The following SLC9A6 variants were observed in gnomAD, a reference collection of about 807,000 sequenced individuals.
The protein encoded by SLC9A6 is sodium/hydrogen exchanger 6.
SLC9A6 carries 6 observed loss-of-function variants against 45.3 expected under a neutral mutation model. The ratio of observed to expected loss-of-function variants is 0.13; its 90% CI spans 0.07 to 0.26. SLC9A6 has a LOEUF of 0.26. Ranked by LOEUF, SLC9A6 falls within the 10% of genes least tolerant of loss-of-function variation. SLC9A6 has a pLI of 1.00. For synonymous variants in SLC9A6, 191 were observed against 187.7 expected, an observed-to-expected ratio of 1.02 and a Z score of -0.14; for missense variants, 278 against 503.7, an observed-to-expected ratio of 0.55 and a Z score of 4.29.
intron 7 of SLC9A6, among the ~76,000 whole-genome samples, chrX:136,004,080 CTTTTTTTTTTTTT>C (rs782804669): frequency 1.0e-3 from 69 of 66,252 alleles, no homozygotes; most frequent in Non-Finnish European, 1.8e-3. Flanking sequence ...CCTCCCTAAT[CTTTTTTTTTTTTT>C]TTTTTTTTTT....
chrX:136,026,493 T>C (rs1481734533), intron 13 of SLC9A6, among the ~76,000 whole-genome samples: 1 of 111,851 alleles, frequency 8.9e-6, no homozygotes, highest in Non-Finnish European at 1.9e-5. Context: ...AAACATTTAC[T>C]GAACACCAGC....
chrX:136,024,318 G>C lies in SLC9A6; in HGVS notation c.1307-12G>C, dbSNP rs372153079. ...GAGTTATTGAAGAAATACCTTTTCT[G>C]TTCCCCTGTAGGCCTTCGTGGTGCA... is the stretch of plus-strand genomic sequence containing the variant. On this transcript the variant is annotated splice_polypyrimidine_tract_variant and intron_variant, in intron 12 of 17. Coordinates refer to ENST00000630721, the MANE Select transcript of SLC9A6 (RefSeq NM_001379110.1). The C allele has an allele frequency of 9.5e-5, 115 of 1,208,951 alleles. No homozygotes were observed. In the South Asian group the frequency reaches 1.2e-3, roughly 12 times the overall value.
chrX:136,044,418 A>G (rs1556623171), intron 17 of SLC9A6, 34 bp from the exon 18 acceptor site: 2 of 1,174,503 alleles, frequency 1.7e-6, no homozygotes, highest in African/African-American at 3.5e-5. Flanking sequence ...TGAACTTCTC[A>G]AAAATTCTTA....
chrX:135,976,864 CTT>C (rs1464159310), intron 1 of SLC9A6, among the ~76,000 whole-genome samples: 2 of 111,867 alleles, frequency 1.8e-5, no homozygotes, highest in Non-Finnish European at 3.8e-5. Context: ...ATTTCTCACT[CTT>C]TTTTTACCTC....
chrX:136,038,957 T>C (rs984398127), intron 16 of SLC9A6, among the ~76,000 whole-genome samples: 4 of 110,881 alleles, frequency 3.6e-5, no homozygotes, highest in African/African-American at 1.3e-4. Context: ...TTATAAAGCG[T>C]GTTTATATGC....
intron 7 of SLC9A6, among the ~76,000 whole-genome samples, chrX:136,007,521 T>G (rs1333359243): frequency 1.8e-5 from 2 of 112,028 alleles, no homozygotes; most frequent in Non-Finnish European, 3.8e-5. Flanking sequence ...AATATGTTTG[T>G]GGCAAAAATT....
chrX:136,020,781 G>A (rs1340049602), intron 11 of SLC9A6, among the ~76,000 whole-genome samples: 2 of 111,493 alleles, frequency 1.8e-5, no homozygotes, highest in African/African-American at 6.5e-5. Context: ...GCCATTGAGA[G>A]CTCTTTTGGC....
chrX:136,018,003 C>T (rs2071053346), intron 11 of SLC9A6, among the ~76,000 whole-genome samples: 1 of 111,586 alleles, frequency 9.0e-6, no homozygotes, highest in Admixed American at 9.5e-5. Flanking sequence ...GGCTTCTTCC[C>T]CCAAACTGAG....
At chrX:136,033,004 C>T (rs1272311787) in intron 15 of SLC9A6, 1 of 134,923 alleles carries the variant, frequency 7.4e-6, no homozygotes, top group African/African-American at 3.2e-5. Context: ...GCTGGGATTA[C>T]AGGCAGGCCC....
intron 1 of SLC9A6, chrX:135,974,899 A>G (rs185150637): frequency 3.9e-6 from 1 of 259,558 alleles, no homozygotes; most frequent in African/African-American, 2.9e-5. Flanking sequence ...AATGCTAATA[A>G]CGCAGCCTTC....
chrX:136,037,248 A>G (rs2071426765), intron 16 of SLC9A6, among the ~76,000 whole-genome samples: 1 of 111,757 alleles, frequency 8.9e-6, no homozygotes, highest in Non-Finnish European at 1.9e-5. Flanking sequence ...ACACATGTGC[A>G]TGTGCACACA....
At chrX:136,036,415 T>G (rs1483585747) in intron 16 of SLC9A6, among the ~76,000 whole-genome samples, 1 of 112,391 alleles carries the variant, frequency 8.9e-6, no homozygotes, top group Non-Finnish European at 1.9e-5. Context: ...GGGTTTTTTG[T>G]TGTTGATTAT....
chrX:136,013,899 T>G (rs1482264561), intron 10 of SLC9A6, among the ~76,000 whole-genome samples: 2 of 112,402 alleles, frequency 1.8e-5, no homozygotes, highest in African/African-American at 6.5e-5. Flanking sequence ...GCTTCTGATC[T>G]GATTAGACCT....
intron 17 of SLC9A6, among the ~76,000 whole-genome samples, chrX:136,041,565 T>A (rs2071511752): frequency 9.0e-6 from 1 of 111,468 alleles, no homozygotes; most frequent in South Asian, 3.8e-4. Context: ...CACCATGCCC[T>A]GTTAACCCAC....
At chrX:135,986,332 C>T (rs1398465828) in intron 2 of SLC9A6, among the ~76,000 whole-genome samples, 1 of 110,773 alleles carries the variant, frequency 9.0e-6, no homozygotes, top group African/African-American at 3.3e-5. Flanking sequence ...ACGCCCTGTC[C>T]TTTCGAGGTT....
At chrX:136,044,129 G>C (rs1219092113) in intron 17 of SLC9A6, among the ~76,000 whole-genome samples, 7 of 111,785 alleles carry the variant, frequency 6.3e-5, no homozygotes, top group Admixed American at 5.7e-4. Flanking sequence ...ATAAAAGGAT[G>C]TTAGTCATTT....
intron 2 of SLC9A6, among the ~76,000 whole-genome samples, chrX:135,991,835 T>A (rs2148139387): frequency 9.0e-6 from 1 of 110,873 alleles, no homozygotes; most frequent in African/African-American, 3.3e-5. Context: ...TGGGTTTTCC[T>A]TCTCAGACTC....
chrX:136,038,790 T>C (rs1377104229), intron 16 of SLC9A6, among the ~76,000 whole-genome samples: 1 of 109,315 alleles, frequency 9.1e-6, no homozygotes, highest in Non-Finnish European at 1.9e-5. Context: ...AGTTTTTTTT[T>C]CTAAGGAATT....
intron 10 of SLC9A6, among the ~76,000 whole-genome samples, chrX:136,016,110 G>A (rs2071014523): frequency 9.0e-6 from 1 of 111,352 alleles, no homozygotes; most frequent in South Asian, 3.8e-4. Flanking sequence ...CTATACGAGA[G>A]GAAGACCCAC....
Sources: allele counts gnomAD v4.1 joint callset (sites outside exome capture counted in the v4.1 genomes callset), GRCh38; gene constraint gnomAD v4.1.1; transcripts MANE v1.5; gene names NCBI Gene and HGNC (gene_info 2026-07-23, HGNC 2026-07-21).